The following ETFBKMT variants were observed in gnomAD, a reference collection of about 807,000 sequenced individuals.
The protein encoded by ETFBKMT is electron transfer flavoprotein subunit beta lysine methyltransferase, also known as electron transfer flavoprotein beta subunit lysine methyltransferase.
Under a neutral mutation model 18.3 loss-of-function variants are expected in ETFBKMT, and 13 were observed. The observed-to-expected ratio is 0.71, with a 90% CI of 0.46 to 1.13. The LOEUF is 1.13. Ranked by LOEUF, ETFBKMT falls within the 50% of genes most tolerant of loss-of-function variation. ETFBKMT has a pLI of 0.00. For synonymous variants in ETFBKMT, 84 were observed against 107.9 expected (o/e 0.78, Z 1.37); for missense variants, 293 against 306.2 (o/e 0.96, Z 0.32).
At chr12:31,657,273 C>A (rs1951069712), upstream of ETFBKMT, among the ~76,000 whole-genome samples, 1 of 152,160 alleles carries the variant, frequency 6.6e-6, no homozygotes, top group African/African-American at 2.4e-5. Context: ...GACAACAGCT[C>A]AAATTGTTAT....
In ETFBKMT at chr12:31,668,040, C is replaced by CT. The variant is rs1951221556; in HGVS notation, c.*51dup. The CT allele has an allele frequency of 6.8e-7, 1 of 1,464,832 alleles. No individual in the cohort carries two copies. The highest frequency in any genetic ancestry group is 1.4e-5 in the African/African-American group (1 of 70,852). 90.7% of individuals were successfully genotyped at this position (1,464,832 alleles called of 1,614,324 possible). ...AATATAGTAATGTTTGGATCTGACT[C>CT]TAAAAGTTTTCTCTATAGGAGATAC... is the stretch of plus-strand genomic sequence containing the variant. On this transcript the variant is annotated 3_prime_UTR_variant, in exon 4 of 4. Transcript: ENST00000357721.
At position 31,672,595 on chromosome 12, in the gene ETFBKMT, TAAA is replaced by T; in HGVS notation, c.*4615_*4617del. 6.4e-6 allele frequency: 2 copies of T among 312,552 alleles called. No homozygotes were observed. Among genetic ancestry groups the T allele is most frequent in the African/African-American group, 2.2e-5 (1 of 44,744 alleles). The allele number at this position is 312,552 out of a possible 1,614,324, so 19.4% of individuals were successfully genotyped here. A position where few individuals can be genotyped will look rare whatever the true frequency, so the allele number is the denominator to read the frequency against. On this transcript the variant is annotated 3_prime_UTR_variant, in exon 4 of 4. Transcript: ENST00000357721. Reference sequence around the variant, plus strand: ...TGCACCTATCATGGTATTACTTGTTTAAAAAAAAAAAACAGGCATTTGTTGTTT... The same window carrying T: ...TGCACCTATCATGGTATTACTTGTTTAAAAAAAAACAGGCATTTGTTGTTT...
chr12:31,650,626 C>CTTTTT lies in ETFBKMT; in HGVS notation c.-114+3371_-114+3372insTTTTT, dbSNP rs543201341. Among the ~76,000 whole-genome samples the CTTTTT allele has an allele frequency of 2.1e-4, 29 of 140,706 alleles. 1 individual carries two copies. The highest frequency in any genetic ancestry group is 1.5e-3 in the East Asian group (7 of 4,542). 92.3% of individuals were successfully genotyped at this position (140,706 alleles called of 152,430 possible). ...TGAGTGGAAGATTGAAATGACCTGA[C>CTTTTT]CTTTTTTTTTTTTTTTAAAGAATCA... On this transcript the variant is annotated intron_variant, in intron 1 of 3. Coordinates refer to the ETFBKMT transcript ENST00000412352.
At position 31,672,486 on chromosome 12, in the gene ETFBKMT, T is replaced by A; in HGVS notation, c.*4496T>A. The A allele has an allele frequency of 1.3e-6, 1 of 786,614 alleles. No individual in the cohort carries two copies. The highest frequency in any genetic ancestry group is 2.1e-6 in the Non-Finnish European group (1 of 469,108). 48.7% of individuals were successfully genotyped at this position (786,614 alleles called of 1,614,324 possible). ...ATTATTATACAGTTATTTAAAGGATTAAAGGAGGTGATCTATAAAGCACAA... is the reference window on the plus strand; with the variant it reads ...ATTATTATACAGTTATTTAAAGGATAAAAGGAGGTGATCTATAAAGCACAA... On this transcript the variant is annotated 3_prime_UTR_variant, in exon 4 of 4. Coordinates refer to ENST00000357721, the MANE Select transcript of ETFBKMT (RefSeq NM_001135863.2).
upstream of ETFBKMT, among the ~76,000 whole-genome samples, chr12:31,656,999 A>C (rs973271268): frequency 6.6e-6 from 1 of 152,234 alleles, no homozygotes; most frequent in African/African-American, 2.4e-5. Context: ...ATCTTATTAA[A>C]TCTTCCTAAA....
chr12:31,664,921 C>T (rs1358272580), intron 2 of ETFBKMT, among the ~76,000 whole-genome samples: 1 of 141,872 alleles, frequency 7.0e-6, no homozygotes, highest in Non-Finnish European at 1.5e-5. Flanking sequence ...GCCATTTATA[C>T]ATTTCTTTTC....
Position 31,661,964 on chromosome 12 carries a change from G to T in ETFBKMT, c.11G>T (p.Ser4Ile). Residue 4 changes from serine (S) to isoleucine (I), a missense_variant, in exon 2 of 4, where the codon AGT becomes ATT. Physicochemically the swap from Ser to Ile is moderately radical, Grantham distance 142 (BLOSUM62 -2). Transcript: ENST00000357721. Reference sequence around the variant, plus strand: ...TTGGGGAAAGGACTGATGGCTTTGAGTCTAGGTTGGAAAGCACACAGGAAC... The same window carrying T: ...TTGGGGAAAGGACTGATGGCTTTGATTCTAGGTTGGAAAGCACACAGGAAC... MALSLGWKAHRNHC... is the reference protein window; with the variant it reads MALILGWKAHRNHC... The T allele has an allele frequency of 6.2e-7, 1 of 1,613,720 alleles. No individual in the cohort carries two copies. Among genetic ancestry groups the T allele is most frequent in the South Asian group, 1.1e-5 (1 of 91,078 alleles).
At chr12:31,648,779 T>G (rs1007050525) in intron 1 of ETFBKMT, among the ~76,000 whole-genome samples, 8 of 151,750 alleles carry the variant, frequency 5.3e-5, no homozygotes, top group East Asian at 3.9e-4. Context: ...GCCAGGATGG[T>G]CTCGATCTCC....
intron 1 of ETFBKMT, among the ~76,000 whole-genome samples, chr12:31,651,187 G>T (rs1244978537): frequency 6.6e-6 from 1 of 152,100 alleles, no homozygotes; most frequent in Non-Finnish European, 1.5e-5. Flanking sequence ...CCTGGAACTG[G>T]CGTTAATCAG....
chr12:31,653,676 G>A (rs1254008960), intron 1 of ETFBKMT, among the ~76,000 whole-genome samples: 3 of 152,220 alleles, frequency 2.0e-5, no homozygotes, highest in East Asian at 1.9e-4. Flanking sequence ...GGCCGGGTGC[G>A]GTGGCTCAGG....
intron 1 of ETFBKMT, among the ~76,000 whole-genome samples, chr12:31,648,804 G>T (rs551515330): frequency 6.6e-6 from 1 of 151,946 alleles, no homozygotes; most frequent in Non-Finnish European, 1.5e-5. Flanking sequence ...CTTGTGATCT[G>T]CCCACCTTGG....
chr12:31,657,586 G>T (rs1171355585), upstream of ETFBKMT, among the ~76,000 whole-genome samples: 1 of 152,036 alleles, frequency 6.6e-6, no homozygotes, highest in African/African-American at 2.4e-5. Context: ...GAGGTCAAAA[G>T]TTGGGCACCA....
chr12:31,662,293 G>A, intron 2 of ETFBKMT, 26 bp downstream of exon 2: 1 of 1,604,694 alleles, frequency 6.2e-7, no homozygotes, highest in South Asian at 1.1e-5. Flanking sequence ...AACCTTTAAG[G>A]CGCTACAGAT....
intron 3 of ETFBKMT, among the ~76,000 whole-genome samples, chr12:31,666,967 A>G (rs924685116): frequency 3.4e-5 from 5 of 147,554 alleles, no homozygotes; most frequent in African/African-American, 1.3e-4. Flanking sequence ...GAAAACCTTT[A>G]TTTTATAAAG....
At chr12:31,654,248 C>G (rs895471348), upstream of ETFBKMT, among the ~76,000 whole-genome samples, 3 of 152,144 alleles carry the variant, frequency 2.0e-5, no homozygotes, top group African/African-American at 7.2e-5. Context: ...CACGGTTTCA[C>G]CATGTTGGCC....
At position 31,653,598 on chromosome 12, in the gene ETFBKMT, G is replaced by T. The variant is rs555401393; in HGVS notation, c.-114+6343G>T. On this transcript the variant is annotated intron_variant, in intron 1 of 3. Transcript: ENST00000412352. ...TGTTGCAAGGGCAGTTTGGTAGAGA[G>T]AAGCTAGAAGGAAGCTGAAGCTCCA... Among the ~76,000 whole-genome samples, 65 of 152,342 alleles carry T rather than the reference G, an allele frequency of 4.3e-4. 2 individuals are homozygous for T. The South Asian group carries it at 0.012, about 28-fold the overall frequency.
chr12:31,652,086 C>T (rs1433684406), intron 1 of ETFBKMT, among the ~76,000 whole-genome samples: 1 of 152,112 alleles, frequency 6.6e-6, no homozygotes, highest in African/African-American at 2.4e-5. Flanking sequence ...ACCAGGCTTC[C>T]CCTGCGCACA....
chr12:31,654,395 C>T (rs7316528), upstream of ETFBKMT, among the ~76,000 whole-genome samples: 132,735 of 152,218 alleles, frequency 0.87, 58,585 homozygotes, highest in Non-Finnish European at 0.95. Flanking sequence ...ATACACCTAC[C>T]ATATGATCTA....
rs201895496 is a variant in ETFBKMT, at chr12:31,662,121, A to C, written c.168A>C (p.Glu56Asp). The C allele has an allele frequency of 4.3e-6, 7 of 1,614,208 alleles. No homozygotes were observed. The highest frequency in any genetic ancestry group is 5.9e-6 in the Non-Finnish European group (7 of 1,180,028). ...EIKAFLEENTEVTSSGSLTPE... is the reference protein window; with the variant it reads ...EIKAFLEENTDVTSSGSLTPE... ...AGGCTTTCCTGGAGGAGAACACTGA[A>C]GTCACCAGCAGTGGTAGCCTCACCC... Residue 56 changes from glutamate (E) to aspartate (D), a missense_variant, in exon 2 of 4, where the codon GAA (glutamate) becomes GAC (aspartate). Glu to Asp is a conservative substitution (Grantham distance 45, BLOSUM62 2). Coordinates refer to ENST00000357721, the MANE Select transcript of ETFBKMT (RefSeq NM_001135863.2).
Sources: gnomAD v4.1 joint callset for allele counts (sites outside exome capture counted in the v4.1 genomes callset) on GRCh38, gnomAD v4.1.1 for gene constraint, MANE v1.5 for transcripts, NCBI Gene and HGNC (gene_info 2026-07-23, HGNC 2026-07-21) for gene names.